Variants in RGS8 observed in about 807,000 individuals in gnomAD.
RGS8 encodes regulator of G-protein signaling 8.
In RGS8, 8 loss-of-function variants were observed where a neutral mutation model predicts 21.7. That is an observed-to-expected ratio of 0.37 (90% confidence interval 0.22 to 0.66). The LOEUF (loss-of-function observed/expected upper bound fraction) is 0.66. RGS8 is among the 30% of genes least tolerant of loss of function. The pLI, the probability that RGS8 is intolerant of heterozygous loss-of-function variation, is 0.59. For missense variants in RGS8, 157 were observed against 217.9 expected, an observed-to-expected ratio of 0.72 and a Z score of 1.76; for synonymous variants, 80 against 83.6, an observed-to-expected ratio of 0.96 and a Z score of 0.24.
chr1:182,647,611 A>G (rs575458667), intron 6 of RGS8, among the ~76,000 whole-genome samples: 1 of 152,366 alleles, frequency 6.6e-6, no homozygotes, highest in East Asian at 1.9e-4. Flanking sequence ...GTATAATTAA[A>G]TAATGTAAAT....
At chr1:182,689,423 T>C (rs527467860), upstream of RGS8, among the ~76,000 whole-genome samples, 5 of 152,246 alleles carry the variant, frequency 3.3e-5, no homozygotes, top group African/African-American at 1.2e-4. Flanking sequence ...TAGCTACTGT[T>C]GAGGAAGTCT....
At chr1:182,701,604 G>A in the RGS8 span, among the ~76,000 whole-genome samples, 1 of 152,156 alleles carries the variant, frequency 6.6e-6, no homozygotes, top group Admixed American at 6.5e-5. Flanking sequence ...AAGATTATAG[G>A]GTTGGTCTCA....
chr1:182,713,011 G>A, the RGS8 span: 1 of 152,146 alleles, frequency 6.6e-6, no homozygotes, highest in East Asian at 1.9e-4. Context: ...ATTTTAATTG[G>A]TCAAGTCAGC....
At chr1:182,739,235 G>C in the RGS8 span, among the ~76,000 whole-genome samples, 1 of 152,172 alleles carries the variant, frequency 6.6e-6, no homozygotes, top group Non-Finnish European at 1.5e-5. Context: ...TCTAGTGTCA[G>C]TACTTACTCC....
the RGS8 span, among the ~76,000 whole-genome samples, chr1:182,736,014 T>A: frequency 6.6e-6 from 1 of 152,262 alleles, no homozygotes; most frequent in Non-Finnish European, 1.5e-5. Flanking sequence ...CATGTCTGTG[T>A]ACCACCTATA....
chr1:182,747,773 G>A, the RGS8 span, among the ~76,000 whole-genome samples: 1 of 151,796 alleles, frequency 6.6e-6, no homozygotes, highest in Non-Finnish European at 1.5e-5. Context: ...ACTTTGGGAG[G>A]CTGAGGTGGG....
chr1:182,733,069 C>T, the RGS8 span, among the ~76,000 whole-genome samples: 1 of 152,192 alleles, frequency 6.6e-6, no homozygotes, highest in Non-Finnish European at 1.5e-5. Flanking sequence ...CTCATGGTTT[C>T]GCAGTCTGCT....
chr1:182,742,514 A>T, the RGS8 span, among the ~76,000 whole-genome samples: 1 of 152,218 alleles, frequency 6.6e-6, no homozygotes. Flanking sequence ...AGGCTGGCGG[A>T]TCACTCGCGG....
chr1:182,746,338 A>G, the RGS8 span, among the ~76,000 whole-genome samples: 4 of 152,222 alleles, frequency 2.6e-5, no homozygotes, highest in Non-Finnish European at 5.9e-5. Flanking sequence ...TTAGATGCAA[A>G]CACAATATAT....
chr1:182,704,723 C>G, the RGS8 span, among the ~76,000 whole-genome samples: 2 of 152,206 alleles, frequency 1.3e-5, no homozygotes, highest in Non-Finnish European at 2.9e-5. Context: ...CCTCACTGCC[C>G]CCACTCCTGG....
chr1:182,741,573 C>G, the RGS8 span, among the ~76,000 whole-genome samples: 1 of 118,740 alleles, frequency 8.4e-6, no homozygotes, highest in Admixed American at 7.7e-5. Context: ...GTAGGGGCGG[C>G]CGGGCAGAGG....
chr1:182,664,577 G>C (rs1418406549), intron 5 of RGS8, among the ~76,000 whole-genome samples: 1 of 151,988 alleles, frequency 6.6e-6, no homozygotes, highest in Non-Finnish European at 1.5e-5. Context: ...TGTGACTCCA[G>C]AAAAAAAGTC....
chr1:182,715,442 C>G, the RGS8 span, among the ~76,000 whole-genome samples: 4 of 152,166 alleles, frequency 2.6e-5, no homozygotes, highest in African/African-American at 9.7e-5. Flanking sequence ...ATGATTGGGC[C>G]CTGTGTCTAT....
chr1:182,750,837 A>C, the RGS8 span, among the ~76,000 whole-genome samples: 1 of 152,030 alleles, frequency 6.6e-6, no homozygotes, highest in Admixed American at 6.6e-5. Context: ...TAGACTCTAG[A>C]TTCTAGAGGA....
intron 5 of RGS8, among the ~76,000 whole-genome samples, chr1:182,664,348 C>A (rs1557892676): frequency 6.6e-6 from 1 of 151,942 alleles, no homozygotes; most frequent in Non-Finnish European, 1.5e-5. Context: ...AGTAGAGAAG[C>A]CGAAATCAAC....
At chr1:182,716,083 T>C in the RGS8 span, among the ~76,000 whole-genome samples, 1 of 151,734 alleles carries the variant, frequency 6.6e-6, no homozygotes, top group African/African-American at 2.4e-5. Context: ...TAATACCTAA[T>C]ACAATATAAA....
At chr1:182,698,827 A>T in the RGS8 span, among the ~76,000 whole-genome samples, 1 of 152,354 alleles carries the variant, frequency 6.6e-6, no homozygotes, top group East Asian at 1.9e-4. Flanking sequence ...CCTTGAAATA[A>T]TTCTTACTTC....
upstream of RGS8, among the ~76,000 whole-genome samples, chr1:182,689,274 C>G (rs1030957259): frequency 1.5e-4 from 21 of 140,966 alleles, no homozygotes; most frequent in African/African-American, 6.0e-4. Context: ...GACACACACA[C>G]ACACACACAC....
At chr1:182,699,247 G>A in the RGS8 span, among the ~76,000 whole-genome samples, 1 of 152,134 alleles carries the variant, frequency 6.6e-6, no homozygotes, top group Non-Finnish European at 1.5e-5. Context: ...TATTCCATTT[G>A]GGATTAAACA....
Sources: gnomAD v4.1 joint callset for allele counts (sites outside exome capture counted in the v4.1 genomes callset) on GRCh38, gnomAD v4.1.1 for gene constraint, MANE v1.5 for transcripts, NCBI Gene and HGNC (gene_info 2026-07-23, HGNC 2026-07-21) for gene names.